The following DNAH7 variants were observed in gnomAD, a reference collection of about 807,000 sequenced individuals.
The protein encoded by DNAH7 is dynein axonemal heavy chain 7, also known as axonemal beta dynein heavy chain 7.
In DNAH7, 397 loss-of-function variants were observed where a neutral mutation model predicts 444.6. That is an observed-to-expected ratio of 0.89 (90% CI 0.82 to 0.97). The LOEUF (loss-of-function observed/expected upper bound fraction) is 0.97, where lower values mean the gene tolerates loss of function less well. DNAH7 is among the 50% of genes least tolerant of loss of function. The probability of loss-of-function intolerance (pLI) is 0.00; values close to 1 mark genes in which losing one functional copy is unlikely to be tolerated. For missense variants in DNAH7, 4,902 were observed against 4,800.8 expected (o/e 1.02, Z -0.62); for synonymous variants, 1,636 against 1,624.4 (o/e 1.01, Z -0.17).
chr2:195,875,131 A>T (rs1700974746), intron 38 of DNAH7, among the ~76,000 whole-genome samples: 1 of 152,214 alleles, frequency 6.6e-6, no homozygotes, highest in Admixed American at 6.5e-5. Context: ...TATCTTGGAA[A>T]ATTTAAAGGA....
chr2:195,800,604 G>A (rs763390051), intron 54 of DNAH7, among the ~76,000 whole-genome samples: 6 of 152,058 alleles, frequency 3.9e-5, no homozygotes, highest in Non-Finnish European at 8.8e-5. Context: ...CTTTTCAAGG[G>A]CACATCTGCA....
intron 13 of DNAH7, among the ~76,000 whole-genome samples, 157 bp from the exon 14 acceptor site, chr2:195,987,350 A>G (rs1692989608): frequency 6.6e-6 from 1 of 152,160 alleles, no homozygotes; most frequent in Admixed American, 6.6e-5. Context: ...CCAAATAATC[A>G]TTTGTATTAT....
intron 2 of DNAH7, among the ~76,000 whole-genome samples, chr2:196,054,992 A>T (rs1394176175): frequency 6.6e-6 from 1 of 152,214 alleles, no homozygotes; most frequent in African/African-American, 2.4e-5. Context: ...TCTTCATAGC[A>T]GCATGAGAAG....
At chr2:195,961,407 C>T (rs1691096033) in intron 17 of DNAH7, among the ~76,000 whole-genome samples, 2 of 147,148 alleles carry the variant, frequency 1.4e-5, no homozygotes, top group South Asian at 4.3e-4. Context: ...TACCCACCAG[C>T]CCCACCCTTG....
rs1381906803 is a variant in DNAH7, at chr2:195,824,247, A to G, written c.9291+8T>C. On this transcript the variant is annotated splice_region_variant and intron_variant, in intron 49 of 64. Transcript: ENST00000312428. ...TCTGATAAAGAAACATTCATTTTATATACTGGCCTTTACTGATGTTTCAGG... is the reference window on the plus strand; with the variant it reads ...TCTGATAAAGAAACATTCATTTTATGTACTGGCCTTTACTGATGTTTCAGG... 6 of 1,602,946 alleles carry G rather than the reference A, an allele frequency of 3.7e-6. No individual in the cohort carries two copies. The highest frequency in any genetic ancestry group is 5.1e-6 in the Non-Finnish European group (6 of 1,173,242).
intron 61 of DNAH7, among the ~76,000 whole-genome samples, chr2:195,765,983 C>T (rs1446545006): frequency 6.6e-6 from 1 of 151,940 alleles, no homozygotes; most frequent in Admixed American, 6.6e-5. Context: ...CTGTGTCCAT[C>T]AACAAAGGAA....
chr2:195,801,303 T>C (rs1415824560), intron 54 of DNAH7, among the ~76,000 whole-genome samples: 1 of 152,100 alleles, frequency 6.6e-6, no homozygotes, highest in Non-Finnish European at 1.5e-5. Flanking sequence ...TATATATATA[T>C]ATATATGCAC....
intron 12 of DNAH7, among the ~76,000 whole-genome samples, chr2:195,989,676 G>A (rs1693167499): frequency 6.6e-6 from 1 of 152,182 alleles, no homozygotes. Context: ...GGTGGGAGGT[G>A]TCTGGGTCAT....
At chr2:195,999,331 A>T in intron 12 of DNAH7, 1 of 656,954 alleles carries the variant, frequency 1.5e-6, no homozygotes, top group South Asian at 1.8e-5. Context: ...TATTCGCACA[A>T]CCAGTATTGT....
At chr2:195,996,558 T>C (rs1317193346) in intron 12 of DNAH7, among the ~76,000 whole-genome samples, 2 of 152,090 alleles carry the variant, frequency 1.3e-5, no homozygotes, top group Admixed American at 1.3e-4. Flanking sequence ...CCTGAGTACC[T>C]GGGATTACAG....
chr2:196,026,984 A>T, intron 6 of DNAH7, 44 bp from the exon 7 acceptor site: 4 of 1,439,588 alleles, frequency 2.8e-6, no homozygotes, highest in Non-Finnish European at 3.8e-6. Flanking sequence ...TAACAAAAGA[A>T]GTATGTTTAT....
rs148142446 is a variant in DNAH7 at position 195,814,436 on chromosome 2, T to C, written c.9761+2192A>G. On this transcript the variant is annotated intron_variant, in intron 51 of 64. Coordinates refer to ENST00000312428, the MANE Select transcript of DNAH7 (RefSeq NM_018897.3). ...AAAAGCACAGTAATGAAGAAACAAA[T>C]TTCATACCTTGGATGAGTTCTAACT... Among the ~76,000 whole-genome samples the C allele has an allele frequency of 1.4e-4, 22 of 152,306 alleles. No homozygotes were observed. The South Asian group carries it at 4.6e-3, about 32-fold the overall frequency.
intron 9 of DNAH7, among the ~76,000 whole-genome samples, chr2:196,017,173 C>T (rs1437820393): frequency 6.6e-6 from 1 of 152,020 alleles, no homozygotes; most frequent in Non-Finnish European, 1.5e-5. Context: ...CACCACCACA[C>T]CCAGCTAATT....
chr2:195,778,073 A>T lies in DNAH7; in HGVS notation c.10879-88T>A, dbSNP rs923270217. The stretch of plus-strand genomic sequence containing the variant: ...GTTTTTTCCTATTACTAAATTAAAC[A>T]TCTTACAAAAAGTTCGCATTAACAC... On this transcript the variant is annotated intron_variant, in intron 58 of 64. Coordinates refer to ENST00000312428, the MANE Select transcript of DNAH7 (RefSeq NM_018897.3). The T allele has an allele frequency of 1.5e-5, 19 of 1,274,458 alleles. No homozygotes were observed. The African/African-American group carries it at 1.5e-4, about 10-fold the overall frequency. 78.9% of individuals were successfully genotyped at this position (1,274,458 alleles called of 1,614,324 possible).
chr2:195,788,685 T>C (rs1695738013), intron 57 of DNAH7, among the ~76,000 whole-genome samples: 1 of 152,186 alleles, frequency 6.6e-6, no homozygotes, highest in Non-Finnish European at 1.5e-5. Flanking sequence ...GTAAATGTGC[T>C]GATGTGTTGA....
rs1687326809 is a variant in DNAH7 at position 195,911,006 on chromosome 2, T to C, written c.3936-811A>G. 1.3e-5 allele frequency among the ~76,000 whole-genome samples: 2 copies of C among 152,144 alleles called. 1 individual carries two copies. Among genetic ancestry groups the C allele is most frequent in the Admixed American group, 1.3e-4 (2 of 15,270 alleles). On this transcript the variant is annotated intron_variant, in intron 24 of 64. Transcript: ENST00000312428. ...CTAGAGTCTTCCTCAGAGATAAATA[T>C]GAAACTGCTCCTTATGGACACCTCC...
At chr2:195,805,070 A>C (rs1295196170) in intron 54 of DNAH7, among the ~76,000 whole-genome samples, 1 of 152,170 alleles carries the variant, frequency 6.6e-6, no homozygotes, top group Non-Finnish European at 1.5e-5. Context: ...CCTCGAATAT[A>C]CTTTAAAAAG....
chr2:195,749,276 A>T (rs1403706430), intron 63 of DNAH7, among the ~76,000 whole-genome samples: 9 of 152,134 alleles, frequency 5.9e-5, no homozygotes, highest in Non-Finnish European at 1.0e-4. Context: ...TCAAAACCAC[A>T]ATGAGATACC....
At chr2:195,882,834 TC>T (rs1701467882) in intron 35 of DNAH7, among the ~76,000 whole-genome samples, 1 of 151,980 alleles carries the variant, frequency 6.6e-6, no homozygotes, top group Non-Finnish European at 1.5e-5. Context: ...CACATGCTGG[TC>T]CCCCCACCCC....
Sources: allele counts gnomAD v4.1 joint callset (sites outside exome capture counted in the v4.1 genomes callset), GRCh38; gene constraint gnomAD v4.1.1; transcripts MANE v1.5; gene names NCBI Gene and HGNC (gene_info 2026-07-23, HGNC 2026-07-21).